The following TCERG1L variants were observed in gnomAD, a reference collection of about 807,000 sequenced individuals.
The protein encoded by TCERG1L is transcription elongation regulator 1 like.
Under a neutral mutation model 56.3 loss-of-function variants are expected in TCERG1L, and 37 were observed. The ratio of observed to expected loss-of-function variants is 0.66; its 90% CI spans 0.51 to 0.87. The LOEUF (loss-of-function observed/expected upper bound fraction) is 0.87, where lower values mean the gene tolerates loss of function less well. Ranked by LOEUF, TCERG1L falls within the 40% of genes least tolerant of loss-of-function variation. The probability of loss-of-function intolerance (pLI) is 0.00; values close to 1 mark genes in which losing one functional copy is unlikely to be tolerated. For synonymous variants in TCERG1L, 324 were observed against 326.3 expected (o/e 0.99, Z 0.08); for missense variants, 799 against 774.2 (o/e 1.03, Z -0.38).
intron 9 of TCERG1L, among the ~76,000 whole-genome samples, chr10:131,107,816 G>A (rs1845368457): frequency 1.3e-5 from 2 of 152,030 alleles, no homozygotes; most frequent in Non-Finnish European, 1.5e-5. Flanking sequence ...GCACACACAT[G>A]CAAACACATG....
intron 3 of TCERG1L, among the ~76,000 whole-genome samples, chr10:131,283,641 T>A (rs7071004): frequency 0.074 from 11,272 of 152,206 alleles, 517 homozygotes; most frequent in African/African-American, 0.12. Flanking sequence ...AGCAAGGACC[T>A]AGACATTATA....
intron 3 of TCERG1L, among the ~76,000 whole-genome samples, chr10:131,277,002 G>A (rs1172019281): frequency 6.6e-6 from 1 of 152,238 alleles, no homozygotes; most frequent in East Asian, 1.9e-4. Flanking sequence ...CTGTTGAGTT[G>A]TCATGTCAAT....
intron 3 of TCERG1L, among the ~76,000 whole-genome samples, chr10:131,280,079 T>A (rs758682323): frequency 2.0e-5 from 3 of 152,170 alleles, no homozygotes; most frequent in Non-Finnish European, 4.4e-5. Context: ...CCTCAGGAGG[T>A]CCTGGTGACA....
At chr10:131,158,103 C>T (rs1293155604) in intron 6 of TCERG1L, among the ~76,000 whole-genome samples, 1 of 152,242 alleles carries the variant, frequency 6.6e-6, no homozygotes, top group Non-Finnish European at 1.5e-5. Context: ...GAGAAATTCC[C>T]ACATAGTTAA....
At chr10:131,309,840 A>AAAAAC in intron 1 of TCERG1L, among the ~76,000 whole-genome samples, 1 of 145,392 alleles carries the variant, frequency 6.9e-6, no homozygotes, top group Non-Finnish European at 1.5e-5. Context: ...ATGGCAAAAA[A>AAAAAC]AAAAAAAAAA....
At position 131,205,196 on chromosome 10, in the gene TCERG1L, A is replaced by G. The variant is rs141350919; in HGVS notation, c.857-38311T>C. Among the ~76,000 whole-genome samples, 96 of 152,296 alleles carry G rather than the reference A, an allele frequency of 6.3e-4. 1 individual carries two copies. Among genetic ancestry groups the G allele is most frequent in the African/African-American group, 1.9e-3 (79 of 41,570 alleles). ...AAAAGAAGGTTAATGCTCGCAATTCATCCTTTTATCCCAACAGCTCTCCTT... is the reference window on the plus strand; with the variant it reads ...AAAAGAAGGTTAATGCTCGCAATTCGTCCTTTTATCCCAACAGCTCTCCTT... On this transcript the variant is annotated intron_variant, in intron 4 of 11. Coordinates refer to ENST00000368642, the MANE Select transcript of TCERG1L (RefSeq NM_174937.4).
At chr10:131,210,668 A>G (rs1272872027) in intron 4 of TCERG1L, among the ~76,000 whole-genome samples, 1 of 151,994 alleles carries the variant, frequency 6.6e-6, no homozygotes, top group Non-Finnish European at 1.5e-5. Context: ...GCCCTACTGG[A>G]TTCAGCCCTC....
At chr10:131,106,259 T>C (rs1845350763) in intron 9 of TCERG1L, among the ~76,000 whole-genome samples, 1 of 152,228 alleles carries the variant, frequency 6.6e-6, no homozygotes, top group Non-Finnish European at 1.5e-5. Context: ...AGGAAGCCCA[T>C]GGTCTAAGGT....
In TCERG1L at chr10:131,131,370, T is replaced by C. The variant is rs142600657; in HGVS notation, c.1259+3009A>G. ...CAAAGATCAAAGCAGGTCTGAACTA[T>C]GAAAAGACCCATTCATCAGAAACTG... is the stretch of plus-strand genomic sequence containing the variant. On this transcript the variant is annotated intron_variant, in intron 8 of 11. Coordinates refer to ENST00000368642, the MANE Select transcript of TCERG1L (RefSeq NM_174937.4). Among the ~76,000 whole-genome samples, 636 of 152,288 alleles carry C rather than the reference T, an allele frequency of 4.2e-3. 1 individual carries two copies. The highest frequency in any genetic ancestry group is 6.6e-3 in the Non-Finnish European group (452 of 68,032).
intron 4 of TCERG1L, among the ~76,000 whole-genome samples, chr10:131,173,872 G>C (rs1846117814): frequency 6.6e-6 from 1 of 152,206 alleles, no homozygotes; most frequent in Admixed American, 6.5e-5. Flanking sequence ...CTGGTGAGGA[G>C]CTGGTGAAAG....
intron 4 of TCERG1L, among the ~76,000 whole-genome samples, chr10:131,239,759 G>A (rs907254420): frequency 3.9e-5 from 6 of 152,206 alleles, no homozygotes; most frequent in African/African-American, 9.6e-5. Flanking sequence ...TCAGGCTCCC[G>A]CATAAAGGGG....
intron 8 of TCERG1L, 126 bp downstream of exon 8, chr10:131,134,253 C>CTAGCGGTTGA: frequency 2.3e-6 from 2 of 853,328 alleles, no homozygotes. Flanking sequence ...AACCTCTTAC[C>CTAGCGGTTGA]ATCTGTCTAG....
intron 7 of TCERG1L, among the ~76,000 whole-genome samples, chr10:131,142,987 G>C (rs1845755046): frequency 6.6e-6 from 1 of 151,674 alleles, no homozygotes; most frequent in Non-Finnish European, 1.5e-5. Context: ...GAGCCAGAGA[G>C]AGAAGAGAGA....
chr10:131,092,988 AGAG>A lies in TCERG1L; in HGVS notation c.*171_*173del. On this transcript the variant is annotated 3_prime_UTR_variant, in exon 12 of 12. Coordinates refer to ENST00000368642, the MANE Select transcript of TCERG1L (RefSeq NM_174937.4). Reference sequence around the variant, plus strand: ...GCATCAAACTCTGAATGTACAAAAGAGAGAGCTTCAATATGAAACAGTAATCCT... The same window carrying A: ...GCATCAAACTCTGAATGTACAAAAGAAGCTTCAATATGAAACAGTAATCCT... 1.7e-6 allele frequency: 1 copy of A among 589,048 alleles called. No homozygotes were observed. 36.5% of individuals were successfully genotyped at this position (589,048 alleles called of 1,614,324 possible). A position where few individuals can be genotyped will look rare whatever the true frequency, so the allele number is the denominator to read the frequency against.
At chr10:131,294,561 T>C (rs1004564612) in intron 3 of TCERG1L, among the ~76,000 whole-genome samples, 4 of 152,168 alleles carry the variant, frequency 2.6e-5, no homozygotes, top group Admixed American at 1.3e-4. Context: ...TCCTTTTAAG[T>C]CAACACCACC....
intron 4 of TCERG1L, among the ~76,000 whole-genome samples, chr10:131,179,342 A>G (rs1845145189): frequency 6.6e-6 from 1 of 152,254 alleles, no homozygotes; most frequent in South Asian, 2.1e-4. Flanking sequence ...TAGAAACACC[A>G]AAACTCAGCA....
At chr10:131,157,715 T>G (rs921918129) in intron 6 of TCERG1L, among the ~76,000 whole-genome samples, 2 of 152,256 alleles carry the variant, frequency 1.3e-5, no homozygotes, top group African/African-American at 4.8e-5. Context: ...TCATTGCAAC[T>G]GTTGCCATGA....
chr10:131,150,938 C>G (rs11017764), intron 6 of TCERG1L, among the ~76,000 whole-genome samples: 30,755 of 152,154 alleles, frequency 0.2, 3,483 homozygotes, highest in East Asian at 0.35. Flanking sequence ...GAATGAGTGC[C>G]AGCAGGGGAA....
At chr10:131,154,958 G>A (rs1845904029) in intron 6 of TCERG1L, among the ~76,000 whole-genome samples, 1 of 152,216 alleles carries the variant, frequency 6.6e-6, no homozygotes, top group Admixed American at 6.5e-5. Context: ...GGCTAGTGAC[G>A]TTCTAGACAG....
Sources: gnomAD v4.1 joint callset for allele counts (sites outside exome capture counted in the v4.1 genomes callset) on GRCh38, gnomAD v4.1.1 for gene constraint, MANE v1.5 for transcripts, NCBI Gene and HGNC (gene_info 2026-07-23, HGNC 2026-07-21) for gene names.